EML1: variants seen among roughly 807,000 people sequenced by gnomAD.
EML1 encodes EMAP like 1.
A neutral mutation model predicts 110.4 loss-of-function variants in EML1; 27 were observed. That is an observed-to-expected ratio of 0.24 (90% CI 0.18 to 0.34). The LOEUF (loss-of-function observed/expected upper bound fraction) is 0.34. Ranked by LOEUF, EML1 falls within the 10% of genes least tolerant of loss-of-function variation. The probability of loss-of-function intolerance (pLI) is 1.00; values close to 1 mark genes in which losing one functional copy is unlikely to be tolerated. For synonymous variants in EML1, 344 were observed against 385.8 expected (o/e 0.89, Z 1.27); for missense variants, 741 against 1,030.9 (o/e 0.72, Z 3.85).
intron 1 of EML1, among the ~76,000 whole-genome samples, chr14:99,780,379 G>T (rs554305492): frequency 6.6e-6 from 1 of 152,132 alleles, no homozygotes; most frequent in Non-Finnish European, 1.5e-5. Context: ...GGGGAAGTAG[G>T]TTGCTGGTTG....
intron 11 of EML1, among the ~76,000 whole-genome samples, chr14:99,909,702 G>A (rs1307033570): frequency 6.6e-6 from 1 of 152,168 alleles, no homozygotes; most frequent in Non-Finnish European, 1.5e-5. Flanking sequence ...GGAGCACCAA[G>A]CCTCCCACAG....
At chr14:99,842,942 A>C (rs1439151279) in intron 1 of EML1, among the ~76,000 whole-genome samples, 1 of 152,164 alleles carries the variant, frequency 6.6e-6, no homozygotes, top group Non-Finnish European at 1.5e-5. Flanking sequence ...CGAACAACCC[A>C]AAAATGTCAT....
intron 1 of EML1, among the ~76,000 whole-genome samples, chr14:99,833,214 T>C (rs2058488404): frequency 6.6e-6 from 1 of 152,194 alleles, no homozygotes; most frequent in African/African-American, 2.4e-5. Flanking sequence ...GGTTCTTTTG[T>C]GTGTGTGGGT....
chr14:99,898,606 G>A (rs1319648032), intron 8 of EML1, among the ~76,000 whole-genome samples: 1 of 152,126 alleles, frequency 6.6e-6, no homozygotes, highest in Non-Finnish European at 1.5e-5. Flanking sequence ...ACAAAAATTA[G>A]CCAGGCGTGG....
intron 2 of EML1, among the ~76,000 whole-genome samples, chr14:99,861,036 G>C (rs1426610039): frequency 6.6e-6 from 1 of 152,094 alleles, no homozygotes; most frequent in Admixed American, 6.6e-5. Flanking sequence ...AGATTATTAT[G>C]AGATTGAATT....
At position 99,891,239 on chromosome 14, in the gene EML1, T is replaced by G; in HGVS notation, c.547+12T>G. 1.2e-6 allele frequency: 2 copies of G among 1,613,998 alleles called. No homozygotes were observed. The highest frequency in any genetic ancestry group is 2.2e-5 in the South Asian group (2 of 91,032). On this transcript the variant is annotated intron_variant, in intron 5 of 21. Coordinates refer to ENST00000262233, the MANE Select transcript of EML1 (RefSeq NM_004434.3). ...TGTATTCAGTGCAGGTAAGTCTGAT[T>G]TAATTTATGTATGGGAACCCCTCAC...
At chr14:99,744,033 G>A (rs8011140) in intron 1 of EML1, among the ~76,000 whole-genome samples, 82,819 of 151,930 alleles carry the variant, frequency 0.55, 24,360 homozygotes, top group Middle Eastern at 0.69. Context: ...TTGCTGAGGT[G>A]GGTAAAAGGT....
At chr14:99,772,085 TC>T (rs1377848561), upstream of EML1, among the ~76,000 whole-genome samples, 1 of 152,252 alleles carries the variant, frequency 6.6e-6, no homozygotes, top group Non-Finnish European at 1.5e-5. Flanking sequence ...TGGAGTGATT[TC>T]GGATTGTATC....
In EML1 at chr14:99,751,213, C is replaced by T. The variant is rs77381835; in HGVS notation, c.28+13353C>T. Among the ~76,000 whole-genome samples, 843 of 152,002 alleles carry T rather than the reference C, an allele frequency of 5.5e-3. 16 individuals carry two copies. The highest frequency in any genetic ancestry group is 0.035 in the Admixed American group (528 of 15,246). ...AGCTCACAGCAGATGGACAAGCAGA[C>T]GGACAATGAGAGCCCCGTGTGCCAT... On this transcript the variant is annotated intron_variant, in intron 1 of 10. Coordinates refer to the EML1 transcript ENST00000554479.
rs762364326 is a variant in EML1, at chr14:99,941,455, A to G, written c.*1343A>G. 2.2e-4 allele frequency: 34 copies of G among 152,242 alleles called. No homozygotes were observed. The highest frequency in any genetic ancestry group is 4.0e-4 in the Non-Finnish European group (27 of 68,032). 9.4% of individuals were successfully genotyped at this position (152,242 alleles called of 1,614,324 possible). A position where few individuals can be genotyped will look rare whatever the true frequency, so the allele number is the denominator to read the frequency against. On this transcript the variant is annotated 3_prime_UTR_variant, in exon 22 of 22. Coordinates refer to ENST00000262233, the MANE Select transcript of EML1 (RefSeq NM_004434.3). ...CTGCAGAAGTGCAGGGCACCAGTAA[A>G]CACCATGTATTATTGAAGATGAATC...
At chr14:99,817,616 G>A (rs2058190869) in intron 1 of EML1, among the ~76,000 whole-genome samples, 1 of 152,166 alleles carries the variant, frequency 6.6e-6, no homozygotes, top group Admixed American at 6.5e-5. Flanking sequence ...GGGTCTCAGG[G>A]ACTCAGGGGT....
intron 3 of EML1, among the ~76,000 whole-genome samples, chr14:99,870,767 C>T (rs949184815): frequency 6.6e-6 from 1 of 152,146 alleles, no homozygotes; most frequent in Non-Finnish European, 1.5e-5. Context: ...TATTCTTAGC[C>T]CATTGTTGAG....
intron 1 of EML1, among the ~76,000 whole-genome samples, chr14:99,777,991 A>C (rs1367093211): frequency 6.6e-6 from 1 of 152,058 alleles, no homozygotes; most frequent in Non-Finnish European, 1.5e-5. Context: ...ACAGGGGCTC[A>C]CTATGTTGCC....
chr14:99,920,736 T>A (rs181098396), intron 16 of EML1, 53 bp from the exon 17 acceptor site: 2 of 1,408,518 alleles, frequency 1.4e-6, no homozygotes, highest in Admixed American at 1.9e-5. Context: ...TATTATATAA[T>A]CTTCATTTTC....
chr14:99,847,162 A>G lies in EML1; in HGVS notation c.68-3691A>G, dbSNP rs887941841. ...AAATATTTGTAGTTGATTTCTAACA[A>G]TATCATTGTGGTCAGAGAACATACT... is the stretch of plus-strand genomic sequence containing the variant. On this transcript the variant is annotated intron_variant, in intron 1 of 21. Transcript: ENST00000262233. Among the ~76,000 whole-genome samples, 109 of 152,188 alleles carry G rather than the reference A, an allele frequency of 7.2e-4. 2 individuals carry two copies. Among genetic ancestry groups the G allele is most frequent in the Non-Finnish European group, 1.5e-4 (10 of 68,032 alleles).
chr14:99,842,932 C>T (rs538950301), intron 1 of EML1, among the ~76,000 whole-genome samples: 5 of 152,238 alleles, frequency 3.3e-5, no homozygotes, highest in East Asian at 1.9e-4. Context: ...GCTGTCTGCA[C>T]GAACAACCCA....
Position 99,784,046 on chromosome 14 carries a change from G to C in EML1, c.-27+10033G>C. On this transcript the variant is annotated intron_variant, in intron 1 of 22. Coordinates refer to the EML1 transcript ENST00000327921. The surrounding 1 kb of genome is among the most constrained non-coding windows in gnomAD (Gnocchi z 4.5). ...GGTGCCCGCACTATTGCATGAATTA[G>C]AGACAATCACAACATCAAGTTTCCT... Among the ~76,000 whole-genome samples, 1 of 152,356 alleles carries C rather than the reference G, an allele frequency of 6.6e-6. No individual in the cohort carries two copies. Among genetic ancestry groups the C allele is most frequent in the East Asian group, 1.9e-4 (1 of 5,184 alleles).
chr14:99,796,648 C>T (rs773563776), intron 1 of EML1, among the ~76,000 whole-genome samples: 1 of 151,202 alleles, frequency 6.6e-6, no homozygotes, highest in Non-Finnish European at 1.5e-5. Flanking sequence ...TGCTATCATG[C>T]CCAGCTCACA....
intron 13 of EML1, 63 bp downstream of exon 13, chr14:99,911,639 T>C: frequency 1.3e-6 from 2 of 1,543,426 alleles, no homozygotes; most frequent in Middle Eastern, 1.9e-4. Flanking sequence ...CTTTTTTTAT[T>C]AGTTTGAAAT....
Sources: allele counts gnomAD v4.1 joint callset (sites outside exome capture counted in the v4.1 genomes callset), GRCh38; gene constraint gnomAD v4.1.1; non-coding constraint Gnocchi (gnomAD v3.1); transcripts MANE v1.5; gene names NCBI Gene and HGNC (gene_info 2026-07-23, HGNC 2026-07-21).